Variants in KCND2 observed in about 807,000 individuals in gnomAD.
The protein encoded by KCND2 is potassium voltage-gated channel subfamily D member 2, also known as A-type voltage-gated potassium channel KCND2.
A neutral mutation model predicts 54.4 loss-of-function variants in KCND2; 16 were observed. That is an observed-to-expected ratio of 0.29 (90% CI 0.20 to 0.45). The LOEUF is 0.45. Ranked by LOEUF, KCND2 falls within the 20% of genes least tolerant of loss-of-function variation. KCND2 has a pLI of 1.00. For synonymous variants in KCND2, 317 were observed against 310.7 expected (o/e 1.02, Z -0.21); for missense variants, 486 against 824.2 (o/e 0.59, Z 5.02).
At chr7:120,737,300 A>G (rs1792886475) in intron 2 of KCND2, among the ~76,000 whole-genome samples, 1 of 152,004 alleles carries the variant, frequency 6.6e-6, no homozygotes, top group Non-Finnish European at 1.5e-5. Context: ...AAAGCAAGAA[A>G]TAACTACTTG....
intron 1 of KCND2, among the ~76,000 whole-genome samples, chr7:120,407,388 C>T (rs73217224): frequency 0.1 from 15,746 of 151,872 alleles, 854 homozygotes; most frequent in Admixed American, 0.13. Flanking sequence ...ATAAACAAAC[C>T]CCCCAAAAGT....
At chr7:120,672,945 C>T (rs1792011095) in intron 1 of KCND2, 2 of 151,934 alleles carry the variant, frequency 1.3e-5, no homozygotes, top group South Asian at 2.1e-4. Flanking sequence ...GCAAGGTTGA[C>T]ATGCATATCT....
chr7:120,560,459 T>C (rs1792219851), intron 1 of KCND2, among the ~76,000 whole-genome samples: 1 of 152,208 alleles, frequency 6.6e-6, no homozygotes, highest in South Asian at 2.1e-4. Context: ...TAAGAGCCAA[T>C]ATCATCTTAA....
intron 1 of KCND2, among the ~76,000 whole-genome samples, chr7:120,473,824 TCC>T (rs1802495478): frequency 6.6e-6 from 1 of 152,188 alleles, no homozygotes; most frequent in African/African-American, 2.4e-5. Context: ...TAACCTAGCT[TCC>T]CTCCCTAAGC....
At chr7:120,514,670 C>G (rs1049518061) in intron 1 of KCND2, among the ~76,000 whole-genome samples, 36 of 152,038 alleles carry the variant, frequency 2.4e-4, no homozygotes, top group Non-Finnish European at 5.1e-4. Flanking sequence ...GCACTAGGGA[C>G]TGGTTTTATG....
chr7:120,726,732 T>C (rs1792738238), intron 1 of KCND2, among the ~76,000 whole-genome samples: 1 of 152,230 alleles, frequency 6.6e-6, no homozygotes, highest in Non-Finnish European at 1.5e-5. Context: ...TTCTTTTAAT[T>C]ATTGTAGTAG....
At chr7:120,279,310 C>T (rs1233759945) in intron 1 of KCND2, among the ~76,000 whole-genome samples, 1 of 151,810 alleles carries the variant, frequency 6.6e-6, no homozygotes, top group Non-Finnish European at 1.5e-5. Flanking sequence ...TAAATATTTG[C>T]ATTCTTGGTC....
chr7:120,646,332 T>C (rs1264857820), intron 1 of KCND2, among the ~76,000 whole-genome samples: 7 of 152,204 alleles, frequency 4.6e-5, no homozygotes. Context: ...TAGCTCCTTC[T>C]TTTCTCTTTT....
intron 1 of KCND2, among the ~76,000 whole-genome samples, chr7:120,498,569 G>T (rs970543859): frequency 2.6e-5 from 4 of 152,072 alleles, no homozygotes; most frequent in Non-Finnish European, 5.9e-5. Flanking sequence ...GAGTTCAGGA[G>T]CTTGATACCA....
chr7:120,342,479 A>G (rs1052645225), intron 1 of KCND2, among the ~76,000 whole-genome samples: 2 of 152,164 alleles, frequency 1.3e-5, no homozygotes, highest in Non-Finnish European at 2.9e-5. Context: ...TCATTCATAC[A>G]CCAACTGTGT....
intron 1 of KCND2, among the ~76,000 whole-genome samples, chr7:120,454,979 A>G (rs139922170): frequency 2.0e-5 from 3 of 152,296 alleles, no homozygotes; most frequent in African/African-American, 7.2e-5. Flanking sequence ...TTAACCAAGG[A>G]GGTAAAAGAT....
intron 1 of KCND2, among the ~76,000 whole-genome samples, chr7:120,655,534 T>C (rs903289141): frequency 1.3e-5 from 2 of 152,124 alleles, no homozygotes; most frequent in African/African-American, 4.8e-5. Flanking sequence ...AAGTTGTTTA[T>C]ATGCAGTAGT....
chr7:120,565,905 A>T, intron 1 of KCND2, among the ~76,000 whole-genome samples: 1 of 152,202 alleles, frequency 6.6e-6, no homozygotes, highest in East Asian at 1.9e-4. Context: ...GTGATCTAAC[A>T]CAAGGATTAC....
chr7:120,667,368 A>T (rs961065719), intron 1 of KCND2, among the ~76,000 whole-genome samples: 1 of 152,076 alleles, frequency 6.6e-6, no homozygotes, highest in Non-Finnish European at 1.5e-5. Context: ...AAGTGGTCTC[A>T]AAATCCTTGC....
Position 120,579,896 on chromosome 7 carries a change from A to T in KCND2, c.1116-153007A>T, listed in dbSNP as rs1792493629. Among the ~76,000 whole-genome samples the T allele has an allele frequency of 2.6e-5, 4 of 152,094 alleles. No homozygotes were observed. In the South Asian group the frequency reaches 8.3e-4, roughly 32 times the overall value. On this transcript the variant is annotated intron_variant, in intron 1 of 5. Transcript: ENST00000331113. ...AGTTGGGCTTTTGTTAGGATTATGG[A>T]GGGGATTCACTGCATAGAGCATATG...
chr7:120,327,822 G>A (rs1563010775), intron 1 of KCND2, among the ~76,000 whole-genome samples: 1 of 151,686 alleles, frequency 6.6e-6, no homozygotes, highest in South Asian at 2.1e-4. Context: ...TCACTTAAAA[G>A]TTCTTGGGAT....
At chr7:120,737,092 AACAAAAC>A (rs1367595021) in intron 2 of KCND2, among the ~76,000 whole-genome samples, 1 of 149,470 alleles carries the variant, frequency 6.7e-6, no homozygotes, top group Non-Finnish European at 1.5e-5. Flanking sequence ...AAAAAAAAAA[AACAAAAC>A]AAAAAACAGA....
chr7:120,467,139 G>A (rs764624199), intron 1 of KCND2, among the ~76,000 whole-genome samples: 2 of 151,992 alleles, frequency 1.3e-5, no homozygotes, highest in Non-Finnish European at 2.9e-5. Flanking sequence ...AACATCTTTC[G>A]GGGAGCCATT....
At chr7:120,699,332 T>C (rs1372985419) in intron 1 of KCND2, among the ~76,000 whole-genome samples, 1 of 151,944 alleles carries the variant, frequency 6.6e-6, no homozygotes, top group Non-Finnish European at 1.5e-5. Context: ...AAATTATGGA[T>C]CAATTTGCAA....
Sources: gnomAD v4.1 joint callset for allele counts (sites outside exome capture counted in the v4.1 genomes callset) on GRCh38, gnomAD v4.1.1 for gene constraint, MANE v1.5 for transcripts, NCBI Gene and HGNC (gene_info 2026-07-23, HGNC 2026-07-21) for gene names.